The following VEZT variants were observed in gnomAD, a reference collection of about 807,000 sequenced individuals.
VEZT encodes vezatin.
Under a neutral mutation model 79.9 loss-of-function variants are expected in VEZT, and 39 were observed. That is an observed-to-expected ratio of 0.49 (90% confidence interval 0.38 to 0.64). The LOEUF (loss-of-function observed/expected upper bound fraction) is 0.64. Among genes scored for constraint, VEZT ranks in the 30% least tolerant of loss-of-function variants. The pLI is 0.00. For missense variants in VEZT, 837 were observed against 893.1 expected (o/e 0.94, Z 0.80); for synonymous variants, 325 against 327.6 (o/e 0.99, Z 0.09).
chr12:95,294,703 A>G (rs2073767209), intron 10 of VEZT, among the ~76,000 whole-genome samples: 1 of 152,204 alleles, frequency 6.6e-6, no homozygotes, highest in African/African-American at 2.4e-5. Context: ...GACTGCATGT[A>G]CTATGATATA....
chr12:95,289,285 C>T (rs1284829773), intron 9 of VEZT, among the ~76,000 whole-genome samples: 21 of 149,668 alleles, frequency 1.4e-4, no homozygotes, highest in Non-Finnish European at 1.8e-4. Context: ...GGCATGGTGG[C>T]GGGCACCTGT....
At chr12:95,236,516 G>T (rs2060216265) in intron 1 of VEZT, among the ~76,000 whole-genome samples, 1 of 152,018 alleles carries the variant, frequency 6.6e-6, no homozygotes, top group African/African-American at 2.4e-5. Context: ...TAGTCCCCAA[G>T]AATCTTTGCA....
At chr12:95,286,236 C>T (rs1222465479) in intron 8 of VEZT, 4 of 279,968 alleles carry the variant, frequency 1.4e-5, no homozygotes, top group Non-Finnish European at 2.7e-5. Context: ...AGGTGATCCA[C>T]CCGCCTTGGC....
intron 1 of VEZT, among the ~76,000 whole-genome samples, chr12:95,241,193 C>T (rs185364698): frequency 9.2e-4 from 140 of 152,020 alleles, no homozygotes; most frequent in Non-Finnish European, 1.2e-3. Context: ...CCACCACGCC[C>T]GGCTAATTTT....
chr12:95,258,269 A>T (rs1374216207), intron 3 of VEZT: 1 of 455,724 alleles, frequency 2.2e-6, no homozygotes, highest in Admixed American at 2.4e-5. Context: ...TTCTTCAGTG[A>T]TACTAGGACT....
Position 95,270,106 on chromosome 12 carries a change from A to T in VEZT, c.766A>T (p.Ile256Phe). 6.2e-7 allele frequency: 1 copy of T among 1,611,932 alleles called. No homozygotes were observed. The highest frequency in any genetic ancestry group is 1.1e-5 in the South Asian group (1 of 90,426). ...KAGQHPSQHLIGLRKAVYRTL... is the reference protein window; with the variant it reads ...KAGQHPSQHLFGLRKAVYRTL... The stretch of plus-strand genomic sequence containing the variant: ...TGGACAGCATCCAAGTCAGCATCTC[A>T]TCGGTCTTCGGAAAGCTGTCTACCG... The change falls in exon 6 of 12, where the codon ATC becomes TTC. Residue 256 changes from isoleucine (I) to phenylalanine (F), a missense_variant. Ile to Phe is a conservative substitution (Grantham distance 21). Coordinates refer to ENST00000436874, the MANE Select transcript of VEZT (RefSeq NM_017599.4).
chr12:95,286,483 G>A (rs1324668729), intron 8 of VEZT: 1 of 552,434 alleles, frequency 1.8e-6, no homozygotes, highest in African/African-American at 1.9e-5. Context: ...TATTCTTTCA[G>A]GATCAAGACC....
chr12:95,280,134 T>C (rs1286483824), intron 7 of VEZT, among the ~76,000 whole-genome samples: 1 of 152,160 alleles, frequency 6.6e-6, no homozygotes, highest in Admixed American at 6.5e-5. Flanking sequence ...TCTCCACTTC[T>C]ACTCTCATTT....
Position 95,227,657 on chromosome 12 carries a change from T to G in VEZT, c.36+9771T>G, listed in dbSNP as rs2058687013. On this transcript the variant is annotated intron_variant, in intron 1 of 11. Coordinates refer to ENST00000436874, the MANE Select transcript of VEZT (RefSeq NM_017599.4). ...TGCCCGGCCAATTTTTTGTATTTTTTGCAGAGAGTGGGTTTTGACATGTTG... is the reference window on the plus strand; with the variant it reads ...TGCCCGGCCAATTTTTTGTATTTTTGGCAGAGAGTGGGTTTTGACATGTTG... Among the ~76,000 whole-genome samples the G allele has an allele frequency of 5.3e-5, 8 of 152,016 alleles. No homozygotes were observed. The South Asian group carries it at 1.7e-3, about 32-fold the overall frequency.
chr12:95,222,986 C>T (rs2057848053), intron 1 of VEZT, among the ~76,000 whole-genome samples: 1 of 152,104 alleles, frequency 6.6e-6, no homozygotes, highest in African/African-American at 2.4e-5. Context: ...TGCTCAGGTA[C>T]AATTTTCTAT....
chr12:95,272,265 G>T (rs1330086829), intron 6 of VEZT, among the ~76,000 whole-genome samples: 1 of 152,128 alleles, frequency 6.6e-6, no homozygotes, highest in Non-Finnish European at 1.5e-5. Context: ...GATAGAGAAT[G>T]ATCGGTGGGG....
At position 95,300,518 on chromosome 12, in the gene VEZT, C is replaced by T. The variant is rs374101750; in HGVS notation, c.2185C>T (p.Leu729=). ...CTCCATTAAGCAGAGGCTGGCACGG[C>T]TACAGCTGTCACCAGATTTTACCTT... ...QPSIKQRLAR[L]QLSPDFTFTA... Residue 729 remains leucine, a synonymous_variant, in exon 12 of 12, where the codon CTA becomes TTA. Coordinates refer to ENST00000436874, the MANE Select transcript of VEZT (RefSeq NM_017599.4). 5 of 1,613,930 alleles carry T rather than the reference C, an allele frequency of 3.1e-6. No homozygotes were observed. Among genetic ancestry groups the T allele is most frequent in the Non-Finnish European group, 3.4e-6 (4 of 1,179,876 alleles).
intron 9 of VEZT, among the ~76,000 whole-genome samples, chr12:95,293,113 G>T (rs1449622364): frequency 6.6e-6 from 1 of 152,136 alleles, no homozygotes; most frequent in Non-Finnish European, 1.5e-5. Context: ...GCCTCCCAAA[G>T]TGCTAGGATT....
chr12:95,248,193 A>C (rs947132584), intron 1 of VEZT, among the ~76,000 whole-genome samples: 5 of 152,230 alleles, frequency 3.3e-5, no homozygotes, highest in Admixed American at 2.0e-4. Flanking sequence ...CCACACCTTT[A>C]ACAAGAAGCC....
chr12:95,297,920 G>T (rs2074500617), intron 11 of VEZT, among the ~76,000 whole-genome samples: 1 of 152,100 alleles, frequency 6.6e-6, no homozygotes, highest in Admixed American at 6.5e-5. Flanking sequence ...AGGAGTTCAA[G>T]ACCAGCCTGG....
chr12:95,294,158 A>C, intron 9 of VEZT, 114 bp from the exon 10 acceptor site: 1 of 779,046 alleles, frequency 1.3e-6, no homozygotes, highest in Non-Finnish European at 2.1e-6. Flanking sequence ...AAGTGCTGGG[A>C]TTACAGGCAT....
intron 6 of VEZT, among the ~76,000 whole-genome samples, chr12:95,270,477 A>G (rs1019575534): frequency 5.3e-5 from 8 of 152,208 alleles, no homozygotes; most frequent in African/African-American, 1.9e-4. Context: ...TGGCTTTGCT[A>G]GGTCTGACAT....
chr12:95,242,196 C>G (rs1593282749), intron 1 of VEZT: 1 of 152,132 alleles, frequency 6.6e-6, no homozygotes, highest in Admixed American at 6.5e-5. Flanking sequence ...GGAAGTACCA[C>G]TACTAGATGG....
intron 9 of VEZT, among the ~76,000 whole-genome samples, chr12:95,292,298 A>C (rs908327306): frequency 2.6e-5 from 4 of 152,206 alleles, no homozygotes; most frequent in African/African-American, 9.6e-5. Flanking sequence ...CTGGATTGCC[A>C]GCACACTGTT....
Sources: gnomAD v4.1 joint callset for allele counts (sites outside exome capture counted in the v4.1 genomes callset) on GRCh38, gnomAD v4.1.1 for gene constraint, MANE v1.5 for transcripts, NCBI Gene and HGNC (gene_info 2026-07-23, HGNC 2026-07-21) for gene names.